Variants in PRKAR1B observed in about 807,000 individuals in gnomAD.
PRKAR1B encodes protein kinase cAMP-dependent type I regulatory subunit beta.
In PRKAR1B, 22 loss-of-function variants were observed where a neutral mutation model predicts 46.5. That is an observed-to-expected ratio of 0.47 (90% CI 0.34 to 0.68). The LOEUF is 0.68. Ranked by LOEUF, PRKAR1B falls within the 30% of genes least tolerant of loss-of-function variation. The pLI, the probability that PRKAR1B is intolerant of heterozygous loss-of-function variation, is 0.01. For missense variants in PRKAR1B, 445 were observed against 535.6 expected, an observed-to-expected ratio of 0.83 and a Z score of 1.67; for synonymous variants, 259 against 217.7, an observed-to-expected ratio of 1.19 and a Z score of -1.67.
chr7:680,694 C>T lies in PRKAR1B; in HGVS notation c.210G>A (p.Lys70=), dbSNP rs150538055. ...CATGGGAGTCCGACTGTGAGTTTGA[C>T]TTTTGCCGCGCCAAAATCTGCCTGT... ...EENRQILARQ[K]SNSQSDSHDE... is the part of the protein sequence containing the mutation. Residue 70 remains lysine (K), a synonymous_variant, in exon 3 of 11, where the codon AAG becomes AAA. Transcript: ENST00000537384. 1.7e-5 allele frequency: 27 copies of T among 1,613,812 alleles called. No homozygotes were observed. The highest frequency in any genetic ancestry group is 1.9e-5 in the Non-Finnish European group (22 of 1,179,984).
At chr7:623,606 C>T (rs1388383972) in intron 4 of PRKAR1B, among the ~76,000 whole-genome samples, 1 of 152,238 alleles carries the variant, frequency 6.6e-6, no homozygotes, top group Admixed American at 6.5e-5. Flanking sequence ...GCCAGAACCC[C>T]CCAGCCCCTG....
intron 9 of PRKAR1B, among the ~76,000 whole-genome samples, chr7:559,856 C>T (rs1340370772): frequency 6.6e-6 from 1 of 152,178 alleles, no homozygotes; most frequent in African/African-American, 2.4e-5. Flanking sequence ...AAGGAAGATT[C>T]CTTGAGCCCA....
intron 2 of PRKAR1B, among the ~76,000 whole-genome samples, chr7:686,252 A>C (rs1429772074): frequency 6.6e-6 from 1 of 152,028 alleles, no homozygotes; most frequent in Non-Finnish European, 1.5e-5. Context: ...AGTGAGCCGA[A>C]ATCGTACCAC....
Position 550,350 on chromosome 7 carries a change from C to A in PRKAR1B, c.*80G>T. The stretch of plus-strand genomic sequence containing the variant: ...CCCACCCGGCCCACACCTCACACAG[C>A]GGCTCCCGGGCCCCCGACACAGACG... On this transcript the variant is annotated 3_prime_UTR_variant, in exon 11 of 11. Coordinates refer to ENST00000537384, the MANE Select transcript of PRKAR1B (RefSeq NM_001164760.2). The A allele has an allele frequency of 7.3e-7, 1 of 1,374,608 alleles. No individual in the cohort carries two copies. The allele number at this position is 1,374,608 out of a possible 1,614,324, so 85.2% of individuals were successfully genotyped here. A position where few individuals can be genotyped will look rare whatever the true frequency, so the allele number is the denominator to read the frequency against.
chr7:596,928 A>G (rs1217293209), intron 6 of PRKAR1B, among the ~76,000 whole-genome samples: 1 of 152,256 alleles, frequency 6.6e-6, no homozygotes, highest in African/African-American at 2.4e-5. Flanking sequence ...TGGGCGCCCT[A>G]TGGCTGGGCG....
intron 3 of PRKAR1B, among the ~76,000 whole-genome samples, chr7:679,188 C>T (rs1250905057): frequency 1.3e-5 from 2 of 152,242 alleles, no homozygotes; most frequent in Non-Finnish European, 2.9e-5. Flanking sequence ...GATGTTACTA[C>T]CTTACATCCT....
chr7:677,539 A>G (rs35489720), intron 3 of PRKAR1B, among the ~76,000 whole-genome samples: 47,133 of 151,974 alleles, frequency 0.31, 8,488 homozygotes, highest in African/African-American at 0.49. Context: ...TGCTCCTCCC[A>G]CTTCAGCCTC....
intron 4 of PRKAR1B, among the ~76,000 whole-genome samples, chr7:676,860 G>A (rs947302188): frequency 2.6e-5 from 4 of 151,670 alleles, no homozygotes; most frequent in Non-Finnish European, 4.4e-5. Flanking sequence ...TGATTCCCGG[G>A]CAAGCAACGG....
At chr7:614,042 G>A (rs991947513) in intron 4 of PRKAR1B, among the ~76,000 whole-genome samples, 1 of 152,222 alleles carries the variant, frequency 6.6e-6, no homozygotes, top group African/African-American at 2.4e-5. Flanking sequence ...AGCATGGAGG[G>A]CGGGAGGCGT....
intron 6 of PRKAR1B, among the ~76,000 whole-genome samples, chr7:604,345 T>G (rs1781866692): frequency 6.6e-6 from 1 of 152,206 alleles, no homozygotes; most frequent in Non-Finnish European, 1.5e-5. Context: ...CCCTCCAGCC[T>G]TCCCCCTCCA....
At chr7:658,474 C>T (rs1785325731) in intron 4 of PRKAR1B, among the ~76,000 whole-genome samples, 1 of 152,098 alleles carries the variant, frequency 6.6e-6, no homozygotes. Flanking sequence ...GAAATATTCA[C>T]AGACAAAATG....
chr7:650,524 C>T (rs1332222317), intron 4 of PRKAR1B, among the ~76,000 whole-genome samples: 1 of 152,240 alleles, frequency 6.6e-6, no homozygotes, highest in African/African-American at 2.4e-5. Flanking sequence ...GGCTCTGGTG[C>T]CCTCACCCAC....
intron 1 of PRKAR1B, chr7:716,767 T>C (rs1200454443): frequency 6.6e-6 from 1 of 152,210 alleles, no homozygotes; most frequent in Non-Finnish European, 1.5e-5. Flanking sequence ...GTGGGATCTG[T>C]AGGTGGGCTT....
At chr7:675,938 T>C (rs558876845) in intron 4 of PRKAR1B, among the ~76,000 whole-genome samples, 45 of 152,158 alleles carry the variant, frequency 3.0e-4, no homozygotes, top group Non-Finnish European at 3.4e-4. Context: ...AGAGCAAGAC[T>C]CTGTCTAAAA....
chr7:555,646 C>A (rs144500597), intron 9 of PRKAR1B, among the ~76,000 whole-genome samples: 3 of 152,174 alleles, frequency 2.0e-5, no homozygotes, highest in Non-Finnish European at 4.4e-5. Flanking sequence ...CCTTCACATG[C>A]CCCCTTTTTC....
intron 2 of PRKAR1B, among the ~76,000 whole-genome samples, chr7:683,338 A>G (rs1020043496): frequency 6.6e-6 from 1 of 152,144 alleles, no homozygotes; most frequent in Non-Finnish European, 1.5e-5. Flanking sequence ...TGGTTTGCTT[A>G]TTGGTTCCAA....
At chr7:606,130 C>T (rs1432520997) in intron 6 of PRKAR1B, 63 bp downstream of exon 6, 1 of 1,547,284 alleles carries the variant, frequency 6.5e-7, no homozygotes, top group African/African-American at 1.4e-5. Context: ...GCCTGGAGGG[C>T]AAGTCTTCAC....
At chr7:635,983 C>T (rs1285927588) in intron 4 of PRKAR1B, among the ~76,000 whole-genome samples, 3 of 106,004 alleles carry the variant, frequency 2.8e-5, no homozygotes, top group African/African-American at 7.0e-5. Context: ...CCACCGGCCG[C>T]GCCCTCACGT....
upstream of PRKAR1B, among the ~76,000 whole-genome samples, chr7:727,976 AG>A (rs1781417906): frequency 1.3e-5 from 2 of 151,438 alleles, no homozygotes; most frequent in South Asian, 4.2e-4. Flanking sequence ...CACCTGGTTG[AG>A]GGCACGCGCT....
Sources: allele counts gnomAD v4.1 joint callset (sites outside exome capture counted in the v4.1 genomes callset), GRCh38; gene constraint gnomAD v4.1.1; transcripts MANE v1.5; gene names NCBI Gene and HGNC (gene_info 2026-07-23, HGNC 2026-07-21).